The following KNL1 variants were observed in gnomAD, a reference collection of about 807,000 sequenced individuals.
KNL1 encodes kinetochore scaffold 1.
In KNL1, 66 loss-of-function variants were observed where a neutral mutation model predicts 201.3. That is an observed-to-expected ratio of 0.33 (90% CI 0.27 to 0.40). The LOEUF (loss-of-function observed/expected upper bound fraction) is 0.40. Ranked by LOEUF, KNL1 falls within the 10% of genes least tolerant of loss-of-function variation. The pLI, the probability that KNL1 is intolerant of heterozygous loss-of-function variation, is 1.00. For synonymous variants in KNL1, 895 were observed against 899.2 expected, an observed-to-expected ratio of 1.00 and a Z score of 0.08; for missense variants, 2,815 against 2,690.5, an observed-to-expected ratio of 1.05 and a Z score of -1.02.
chr15:40,609,442 T>C (rs1348869093), intron 5 of KNL1, among the ~76,000 whole-genome samples: 1 of 151,928 alleles, frequency 6.6e-6, no homozygotes, highest in East Asian at 1.9e-4. Flanking sequence ...AGCTTCTATA[T>C]AGTGAGTGAT....
intron 1 of KNL1, among the ~76,000 whole-genome samples, chr15:40,602,099 G>T (rs1353577279): frequency 1.3e-5 from 2 of 150,316 alleles, no homozygotes; most frequent in African/African-American, 2.4e-5. Context: ...GCGCTATCTC[G>T]GCTCACTGCA....
At chr15:40,596,126 A>G (rs1324398900) in intron 1 of KNL1, among the ~76,000 whole-genome samples, 2 of 152,184 alleles carry the variant, frequency 1.3e-5, no homozygotes, top group South Asian at 2.1e-4. Flanking sequence ...TTCTTGATGC[A>G]TGGCACCCTG....
intron 16 of KNL1, 23 bp downstream of exon 16, chr15:40,645,795 A>C: frequency 8.5e-7 from 1 of 1,181,018 alleles, no homozygotes; most frequent in Non-Finnish European, 1.2e-6. Context: ...AGTTAATATC[A>C]TAGAAAGAGA....
chr15:40,624,409 T>A lies in KNL1; in HGVS notation c.4145T>A (p.Val1382Asp), dbSNP rs1466280742. Residue 1382 changes from valine to aspartate, a missense_variant, in exon 10 of 26, where the codon GTT becomes GAT. By Grantham distance (152) the Val-to-Asp change is radical. Coordinates refer to ENST00000399668, the MANE Select transcript of KNL1 (RefSeq NM_144508.5). The part of the protein sequence containing the change: ...QTSTKGQLDC[V>D]ITLHKDQDLI... ...AGTACCAAAGGACAGTTAGACTGTGTTATAACACTGCACAAAGATCAAGAT... is the reference window on the plus strand; with the variant it reads ...AGTACCAAAGGACAGTTAGACTGTGATATAACACTGCACAAAGATCAAGAT... The A allele has an allele frequency of 1.4e-5, 23 of 1,614,044 alleles. No homozygotes were observed. Among genetic ancestry groups the A allele is most frequent in the Non-Finnish European group, 1.8e-5 (21 of 1,179,944 alleles).
chr15:40,642,092 A>T (rs1290687229), intron 14 of KNL1, among the ~76,000 whole-genome samples: 2 of 152,174 alleles, frequency 1.3e-5, no homozygotes, highest in African/African-American at 2.4e-5. Context: ...AATATTAAAA[A>T]TTTTTCAAAA....
intron 13 of KNL1, among the ~76,000 whole-genome samples, chr15:40,636,658 C>A (rs914266132): frequency 6.6e-6 from 1 of 151,858 alleles, no homozygotes; most frequent in Admixed American, 6.6e-5. Flanking sequence ...GTGAAACCCC[C>A]CCTCTACCAA....
chr15:40,662,123 T>C lies in KNL1; in HGVS notation c.6886T>C (p.Tyr2296His). Residue 2296 changes from tyrosine to histidine, a missense_variant, in exon 26 of 26, where the codon TAC (tyrosine) becomes CAC (histidine). Tyr to His is a moderately conservative substitution (Grantham distance 83, BLOSUM62 2). This residue lies in a region of KNL1 where 334 missense variants were observed against 362.6 expected (regional missense o/e 0.92). Transcript: ENST00000399668. The stretch of plus-strand genomic sequence containing the variant: ...ATCTAAAGTGCCACTGGAGAACAAC[T>C]ACCTGAAGAATGTAGTCAAGCAAAT... ...ILSKVPLENN[Y>H]LKNVVKQIYQ... 1 of 1,613,036 alleles carries C rather than the reference T, an allele frequency of 6.2e-7. No individual in the cohort carries two copies. The highest frequency in any genetic ancestry group is 1.7e-5 in the Admixed American group (1 of 60,000).
chr15:40,625,343 T>G lies in KNL1; in HGVS notation c.5079T>G (p.Asp1693Glu). The change falls in exon 10 of 26, where the codon GAT (aspartate) becomes GAG (glutamate). Residue 1693 changes from aspartate to glutamate, a missense_variant. Transcript: ENST00000399668. ...HLETQPVSSK[D>E]SGIGSVAGKL... The stretch of plus-strand genomic sequence containing the variant: ...AAACTCAGCCGGTCTCTAGCAAAGA[T>G]TCAGGCATTGGATCTGTTGCAGGTA... 8 of 1,614,092 alleles carry G rather than the reference T, an allele frequency of 5.0e-6. No homozygotes were observed. The highest frequency in any genetic ancestry group is 6.8e-6 in the Non-Finnish European group (8 of 1,179,984).
chr15:40,659,894 ATGTGTGTGTGTG>A (rs776409302), intron 25 of KNL1, among the ~76,000 whole-genome samples: 3 of 146,972 alleles, frequency 2.0e-5, no homozygotes, highest in South Asian at 4.4e-4. Context: ...TGAAGAATTT[ATGTGTGTGTGTG>A]TGTGTGTGTG....
Position 40,663,352 on chromosome 15 carries a change from C to G in KNL1, c.*1164C>G, listed in dbSNP as rs1268545369. 2 of 177,020 alleles carry G rather than the reference C, an allele frequency of 1.1e-5. No homozygotes were observed. The highest frequency in any genetic ancestry group is 2.0e-4 in the South Asian group (1 of 5,018). 11.0% of individuals were successfully genotyped at this position (177,020 alleles called of 1,614,324 possible). ...GATTACAGGTGTGAGCCACCACACC[C>G]AGCAATGTTTTCTTAATAAGTATAG... On this transcript the variant is annotated 3_prime_UTR_variant, in exon 26 of 26. Coordinates refer to ENST00000399668, the MANE Select transcript of KNL1 (RefSeq NM_144508.5).
chr15:40,605,025 A>G, intron 2 of KNL1, 85 bp from the exon 3 acceptor site: 1 of 716,828 alleles, frequency 1.4e-6, no homozygotes, highest in Non-Finnish European at 2.5e-6. Flanking sequence ...CCAGTTTGAA[A>G]GCATGTAAGG....
intron 13 of KNL1, among the ~76,000 whole-genome samples, chr15:40,638,952 C>T (rs1385137752): frequency 6.6e-6 from 1 of 151,498 alleles, no homozygotes; most frequent in Non-Finnish European, 1.5e-5. Flanking sequence ...GCTGGGATTA[C>T]AGGCATGCGC....
At chr15:40,651,706 G>A (rs983545721) in intron 20 of KNL1, 134 bp downstream of exon 20, 1 of 616,812 alleles carries the variant, frequency 1.6e-6, no homozygotes, top group Non-Finnish European at 2.8e-6. Context: ...AAAAGAGTCA[G>A]TGTACTCAAC....
At chr15:40,616,767 A>G (rs1287871026) in intron 8 of KNL1, among the ~76,000 whole-genome samples, 1 of 152,180 alleles carries the variant, frequency 6.6e-6, no homozygotes, top group African/African-American at 2.4e-5. Flanking sequence ...TGTTTTGCTT[A>G]CAGAATAAAG....
chr15:40,607,584 CA>C (rs1364282775), intron 4 of KNL1, among the ~76,000 whole-genome samples: 1 of 152,128 alleles, frequency 6.6e-6, no homozygotes, highest in Admixed American at 6.6e-5. Context: ...TACTTGACAG[CA>C]AGCTCATCCT....
chr15:40,609,409 T>G (rs1338287378), intron 5 of KNL1, among the ~76,000 whole-genome samples: 2 of 152,104 alleles, frequency 1.3e-5, no homozygotes, highest in Non-Finnish European at 2.9e-5. Context: ...AGTGAGACCC[T>G]GTCTCAAAAA....
In KNL1 at chr15:40,645,790, A is replaced by G. The variant is rs773961327; in HGVS notation, c.6006+18A>G. On this transcript the variant is annotated intron_variant, in intron 16 of 25. Coordinates refer to ENST00000399668, the MANE Select transcript of KNL1 (RefSeq NM_144508.5). The stretch of plus-strand genomic sequence containing the variant: ...CAGCTCAGGTAATTTGAGACAGTTA[A>G]TATCATAGAAAGAGAGAGATATTAA... 2.4e-6 allele frequency: 3 copies of G among 1,260,378 alleles called. No homozygotes were observed. Among genetic ancestry groups the G allele is most frequent in the Non-Finnish European group, 3.4e-6 (3 of 892,792 alleles). The allele number at this position is 1,260,378 out of a possible 1,614,324, so 78.1% of individuals were successfully genotyped here. A position where few individuals can be genotyped will look rare whatever the true frequency, so the allele number is the denominator to read the frequency against.
intron 10 of KNL1, among the ~76,000 whole-genome samples, chr15:40,627,202 T>C (rs1892779314): frequency 6.6e-6 from 1 of 152,166 alleles, no homozygotes; most frequent in African/African-American, 2.4e-5. Context: ...GCCCCCTTAA[T>C]AGCATTTACA....
At chr15:40,607,849 G>T (rs995514129) in intron 4 of KNL1, among the ~76,000 whole-genome samples, 1 of 151,782 alleles carries the variant, frequency 6.6e-6, no homozygotes, top group African/African-American at 2.4e-5. Context: ...TTCTTGGTGG[G>T]GGTATAAAAT....
Sources: allele counts gnomAD v4.1 joint callset (sites outside exome capture counted in the v4.1 genomes callset), GRCh38; gene constraint gnomAD v4.1.1; regional missense constraint gnomAD v4.1.1; transcripts MANE v1.5; gene names NCBI Gene and HGNC (gene_info 2026-07-23, HGNC 2026-07-21).